The following FXYD6 variants were observed in gnomAD, a reference collection of about 807,000 sequenced individuals.
FXYD6 encodes FXYD domain-containing ion transport regulator 6.
FXYD6 carries 7 observed loss-of-function variants against 16.7 expected under a neutral mutation model. That is an observed-to-expected ratio of 0.42 (90% CI 0.24 to 0.79). FXYD6 has a LOEUF of 0.79. Among genes scored for constraint, FXYD6 ranks in the 30% least tolerant of loss-of-function variants. The pLI is 0.28. For missense variants in FXYD6, 111 were observed against 116.2 expected (o/e 0.95, Z 0.21); for synonymous variants, 49 against 43.0 (o/e 1.14, Z -0.54).
At chr11:117,846,936 GAACTGCAATGGA>G (rs1431483840) in intron 1 of FXYD6, among the ~76,000 whole-genome samples, 3 of 152,094 alleles carry the variant, frequency 2.0e-5, no homozygotes, top group Admixed American at 2.0e-4. Flanking sequence ...ATTTTCATGG[GAACTGCAATGGA>G]CCTATCTATA....
intron 1 of FXYD6, among the ~76,000 whole-genome samples, chr11:117,864,829 C>G (rs942095005): frequency 2.0e-5 from 3 of 152,198 alleles, no homozygotes; most frequent in Non-Finnish European, 4.4e-5. Flanking sequence ...TCGTGATCCG[C>G]AGGCCTCGGC....
upstream of FXYD6, chr11:117,876,975 G>A (rs1377500845): frequency 2.0e-5 from 3 of 152,280 alleles, no homozygotes; most frequent in Non-Finnish European, 4.4e-5. Context: ...GGAGACTGCC[G>A]CCGAGGAGGC....
intron 1 of FXYD6, among the ~76,000 whole-genome samples, chr11:117,857,410 A>T (rs1201711637): frequency 1.4e-5 from 2 of 138,430 alleles, no homozygotes; most frequent in Admixed American, 7.2e-5. Context: ...AAAGAAGTGG[A>T]TTTTTTTTTT....
At chr11:117,844,537 C>T (rs921077951) in intron 1 of FXYD6, among the ~76,000 whole-genome samples, 1 of 152,042 alleles carries the variant, frequency 6.6e-6, no homozygotes, top group African/African-American at 2.4e-5. Context: ...CTGTGTCGCC[C>T]AGGCTAGAAT....
At chr11:117,874,749 T>C (rs1428799795) in intron 1 of FXYD6, among the ~76,000 whole-genome samples, 1 of 152,186 alleles carries the variant, frequency 6.6e-6, no homozygotes, top group East Asian at 1.9e-4. Flanking sequence ...AGTGGAGAGA[T>C]TGAAATTCTG....
chr11:117,858,719 CCTTCCCTT>C (rs1565323910), intron 1 of FXYD6, among the ~76,000 whole-genome samples: 3 of 99,872 alleles, frequency 3.0e-5, no homozygotes, highest in African/African-American at 7.8e-5. Flanking sequence ...CTCTCTCCTT[CCTTCCCTT>C]CCTTCCTTCC....
intron 1 of FXYD6, among the ~76,000 whole-genome samples, chr11:117,854,000 T>C (rs1194320278): frequency 6.6e-6 from 1 of 152,184 alleles, no homozygotes; most frequent in Non-Finnish European, 1.5e-5. Context: ...AATCAAAGTA[T>C]GAAATAAGGT....
chr11:117,847,957 T>C (rs2056511891), intron 1 of FXYD6, among the ~76,000 whole-genome samples: 1 of 152,204 alleles, frequency 6.6e-6, no homozygotes, highest in South Asian at 2.1e-4. Flanking sequence ...TCCACAAAGG[T>C]TGAACTAGTT....
At chr11:117,845,249 A>T (rs1393052811) in intron 1 of FXYD6, among the ~76,000 whole-genome samples, 1 of 152,178 alleles carries the variant, frequency 6.6e-6, no homozygotes, top group Non-Finnish European at 1.5e-5. Flanking sequence ...AATAAAATAC[A>T]TGGACTTCTG....
chr11:117,873,052 C>T (rs1220483294), intron 1 of FXYD6, among the ~76,000 whole-genome samples: 1 of 152,172 alleles, frequency 6.6e-6, no homozygotes, highest in East Asian at 1.9e-4. Context: ...CGCCGCCCGC[C>T]TCCAGTGTGC....
chr11:117,874,627 C>T (rs969966806), intron 1 of FXYD6, among the ~76,000 whole-genome samples: 5 of 152,218 alleles, frequency 3.3e-5, no homozygotes, highest in Non-Finnish European at 7.3e-5. Flanking sequence ...TCCTTCTCTC[C>T]TTTGTTAGGG....
intron 1 of FXYD6, among the ~76,000 whole-genome samples, chr11:117,865,069 T>C (rs1024885542): frequency 2.6e-5 from 4 of 152,032 alleles, no homozygotes; most frequent in Admixed American, 6.6e-5. Flanking sequence ...AACTAACATT[T>C]CTCCAAAGAA....
At chr11:117,840,392 C>T (rs1482065276) in intron 5 of FXYD6, 24 bp from the exon 6 acceptor site, 3 of 1,614,100 alleles carry the variant, frequency 1.9e-6, no homozygotes, top group Non-Finnish European at 2.5e-6. Context: ...AGACACACAG[C>T]CCCATCAGAG....
chr11:117,859,474 C>T (rs2056853702), intron 1 of FXYD6, among the ~76,000 whole-genome samples: 1 of 152,186 alleles, frequency 6.6e-6, no homozygotes, highest in African/African-American at 2.4e-5. Context: ...CACTTGAGGC[C>T]CAGTCTGGGG....
intron 1 of FXYD6, among the ~76,000 whole-genome samples, chr11:117,852,625 C>T (rs986097771): frequency 1.3e-5 from 2 of 152,102 alleles, no homozygotes; most frequent in East Asian, 1.9e-4. Flanking sequence ...AACTGATTGT[C>T]GTGAGTTTCA....
rs1478424144 is a variant in FXYD6, at chr11:117,858,715, CCTTCCTTCCCT to C, written c.-5-15945_-5-15935del. Among the ~76,000 whole-genome samples the C allele has an allele frequency of 2.6e-3, 262 of 99,438 alleles. 16 individuals carry two copies. The highest frequency in any genetic ancestry group is 9.3e-3 in the African/African-American group (237 of 25,582). 65.2% of individuals were successfully genotyped at this position (99,438 alleles called of 152,430 possible). A position where few individuals can be genotyped will look rare whatever the true frequency, so the allele number is the denominator to read the frequency against. ...TCTTTCTTTCTTTCTCTCTCTCTCT[CCTTCCTTCCCT>C]TCCTTCCTTCCTTCCTTCCTTCCTT... On this transcript the variant is annotated intron_variant, in intron 1 of 7. Transcript: ENST00000526014.
chr11:117,842,024 A>G lies in FXYD6; in HGVS notation c.63T>C (p.Ala21=), dbSNP rs1340810752. The change falls in exon 3 of 8, where the codon GCT becomes GCC. Residue 21 remains alanine (A), a synonymous_variant. Transcript: ENST00000526014. ...AAGGGTCCATTTCCTTCTCCTTTTC[A>G]GCTGCTGCAAAAACAAACAGTTGGT... The part of the protein sequence containing the change: ...LLAPMVLASA[A]EKEKEMDPFH... 1 of 1,614,194 alleles carries G rather than the reference A, an allele frequency of 6.2e-7. No individual in the cohort carries two copies. Among genetic ancestry groups the G allele is most frequent in the Non-Finnish European group, 8.5e-7 (1 of 1,180,042 alleles).
At chr11:117,842,804 A>G in intron 1 of FXYD6, 23 bp from the exon 2 acceptor site, 1 of 1,553,422 alleles carries the variant, frequency 6.4e-7, no homozygotes, top group Non-Finnish European at 8.7e-7. Context: ...GGAGGAAAAA[A>G]TGATTCTCTG....
intron 1 of FXYD6, among the ~76,000 whole-genome samples, chr11:117,852,315 T>A (rs1239266198): frequency 6.6e-6 from 1 of 152,240 alleles, no homozygotes; most frequent in Non-Finnish European, 1.5e-5. Flanking sequence ...AATAAACATG[T>A]GTTGCTTTAA....
Sources: gnomAD v4.1 joint callset for allele counts (sites outside exome capture counted in the v4.1 genomes callset) on GRCh38, gnomAD v4.1.1 for gene constraint, MANE v1.5 for transcripts, NCBI Gene and HGNC (gene_info 2026-07-23, HGNC 2026-07-21) for gene names.